The following SORL1 variants were observed in gnomAD, a reference collection of about 807,000 sequenced individuals.
SORL1 encodes sortilin-related receptor.
SORL1 carries 127 observed loss-of-function variants against 273.7 expected under a neutral mutation model. The observed-to-expected ratio is 0.46, with a 90% CI of 0.40 to 0.54. SORL1 has a LOEUF of 0.54. SORL1 is among the 20% of genes least tolerant of loss of function. The pLI, the probability that SORL1 is intolerant of heterozygous loss-of-function variation, is 0.00. For missense variants in SORL1, 2,494 were observed against 2,846.1 expected (o/e 0.88, Z 2.81); for synonymous variants, 1,031 against 1,067.4 (o/e 0.97, Z 0.66).
Position 121,589,385 on chromosome 11 carries a change from A to G in SORL1, c.4073A>G (p.Asn1358Ser), listed in dbSNP as rs747306346. Residue 1358 changes from asparagine (N) to serine (S), a missense_variant, in exon 29 of 48, where the codon AAC (asparagine) becomes AGC (serine). Physicochemically the swap from Asn to Ser is conservative, Grantham distance 46. Coordinates refer to ENST00000260197, the MANE Select transcript of SORL1 (RefSeq NM_003105.6). ...DDCGDYSDEA[N>S]CENPTEAPNC... Reference sequence around the variant, plus strand: ...TGCGGCGATTATTCTGATGAAGCCAACTGCGGTAAGATGTCCAGTCTGCCT... The same window carrying G: ...TGCGGCGATTATTCTGATGAAGCCAGCTGCGGTAAGATGTCCAGTCTGCCT... 2.7e-5 allele frequency: 44 copies of G among 1,613,068 alleles called. 1 individual carries two copies. In the Admixed American group the frequency reaches 2.8e-4, roughly 10 times the overall value.
intron 23 of SORL1, among the ~76,000 whole-genome samples, chr11:121,571,518 T>G (rs1862844037): frequency 6.6e-6 from 1 of 152,238 alleles, no homozygotes. Flanking sequence ...AGGAACCAAG[T>G]CAGAGGCTTC....
At chr11:121,613,957 G>GT (rs1361649649) in intron 40 of SORL1, among the ~76,000 whole-genome samples, 1 of 152,234 alleles carries the variant, frequency 6.6e-6, no homozygotes, top group Non-Finnish European at 1.5e-5. Flanking sequence ...AGCAGCTGCT[G>GT]TAAGTGCTGT....
rs146194553 is a variant in SORL1 at position 121,589,348 on chromosome 11, G to A, written c.4036G>A (p.Gly1346Arg). 38 of 1,613,714 alleles carry A rather than the reference G, an allele frequency of 2.4e-5. No individual in the cohort carries two copies. Among genetic ancestry groups the A allele is most frequent in the Non-Finnish European group, 5.9e-6 (7 of 1,179,724 alleles). The stretch of plus-strand genomic sequence containing the variant: ...CATCAGTTTGATTTGGAAGTGCGAC[G>A]GGATGGATGATTGCGGCGATTATTC... Reference protein sequence around the residue: ...VCISLIWKCDGMDDCGDYSDE... With the variant: ...VCISLIWKCDRMDDCGDYSDE... Residue 1346 changes from glycine (G) to arginine (R), a missense_variant, in exon 29 of 48, where the codon GGG becomes AGG. Coordinates refer to ENST00000260197, the MANE Select transcript of SORL1 (RefSeq NM_003105.6).
chr11:121,582,450 C>A (rs1157948285), intron 25 of SORL1, among the ~76,000 whole-genome samples: 1 of 152,232 alleles, frequency 6.6e-6, no homozygotes, highest in Admixed American at 6.5e-5. Context: ...CAAGGCCAGT[C>A]CTGGCTTGCA....
intron 21 of SORL1, among the ~76,000 whole-genome samples, chr11:121,561,214 A>G (rs1862667093): frequency 6.6e-6 from 1 of 152,218 alleles, no homozygotes; most frequent in Non-Finnish European, 1.5e-5. Context: ...AGCTTCTGAA[A>G]CACTGTGTGC....
intron 21 of SORL1, among the ~76,000 whole-genome samples, chr11:121,566,331 T>C (rs569424226): frequency 7.2e-5 from 11 of 152,264 alleles, no homozygotes; most frequent in Admixed American, 3.9e-4. Flanking sequence ...GTGTTGTAAT[T>C]GAGAAGTCCA....
intron 1 of SORL1, among the ~76,000 whole-genome samples, chr11:121,468,620 C>A (rs921624025): frequency 6.6e-6 from 1 of 152,098 alleles, no homozygotes; most frequent in Non-Finnish European, 1.5e-5. Flanking sequence ...GGGGTTTCAC[C>A]GTATTGGCCA....
At chr11:121,532,429 C>T (rs1862215123) in intron 11 of SORL1, 35 bp from the exon 12 acceptor site, 2 of 1,592,116 alleles carry the variant, frequency 1.3e-6, no homozygotes, top group African/African-American at 1.3e-5. Context: ...ATTACCTCCA[C>T]AGCAGTGGTG....
intron 6 of SORL1, among the ~76,000 whole-genome samples, chr11:121,510,050 C>T (rs1409675009): frequency 6.6e-6 from 1 of 152,006 alleles, no homozygotes; most frequent in Non-Finnish European, 1.5e-5. Flanking sequence ...TAAATACATG[C>T]TTATTTATAT....
intron 11 of SORL1, among the ~76,000 whole-genome samples, chr11:121,527,998 G>A (rs1157886624): frequency 6.6e-6 from 1 of 150,760 alleles, no homozygotes; most frequent in East Asian, 2.0e-4. Flanking sequence ...TTGTTTTGTT[G>A]TTCTTTTTGT....
intron 14 of SORL1, 21 bp downstream of exon 14, chr11:121,545,450 T>C (rs764726697): frequency 3.1e-6 from 5 of 1,611,714 alleles, no homozygotes; most frequent in Non-Finnish European, 4.2e-6. Context: ...CTTTGATGGC[T>C]GGGGACTGAG....
intron 23 of SORL1, 32 bp from the exon 24 acceptor site, chr11:121,574,209 A>G (rs1862890551): frequency 3.7e-6 from 6 of 1,609,894 alleles, no homozygotes; most frequent in African/African-American, 1.3e-5. Flanking sequence ...AATTGTACCT[A>G]AGGAATATGT....
intron 26 of SORL1, among the ~76,000 whole-genome samples, 170 bp from the exon 27 acceptor site, chr11:121,586,052 A>G (rs1017070938): frequency 1.3e-5 from 2 of 152,226 alleles, no homozygotes; most frequent in African/African-American, 4.8e-5. Context: ...ATACATTTCT[A>G]CAAAAGTAGA....
intron 5 of SORL1, among the ~76,000 whole-genome samples, chr11:121,494,503 T>C (rs1160627610): frequency 6.6e-6 from 1 of 152,136 alleles, no homozygotes; most frequent in East Asian, 1.9e-4. Flanking sequence ...TGGAGCATCA[T>C]TGAGGGATTT....
intron 25 of SORL1, among the ~76,000 whole-genome samples, chr11:121,579,177 G>A (rs1047016903): frequency 3.3e-5 from 5 of 152,028 alleles, no homozygotes; most frequent in African/African-American, 9.7e-5. Flanking sequence ...ATTTTCTTCC[G>A]GCAAGGCAAA....
chr11:121,624,132 C>T (rs185179886), intron 45 of SORL1, among the ~76,000 whole-genome samples: 74 of 152,278 alleles, frequency 4.9e-4, no homozygotes, highest in African/African-American at 1.5e-3. Flanking sequence ...GATCTCTCAC[C>T]GGGTCCCTCC....
intron 29 of SORL1, 90 bp downstream of exon 29, chr11:121,589,480 G>C: frequency 6.6e-7 from 1 of 1,506,974 alleles, no homozygotes; most frequent in Non-Finnish European, 9.2e-7. Context: ...CAACCCCACT[G>C]CAGACTTGGC....
chr11:121,570,322 T>G lies in SORL1; in HGVS notation c.3337+52T>G, dbSNP rs745816259. On this transcript the variant is annotated intron_variant, in intron 23 of 47. Coordinates refer to ENST00000260197, the MANE Select transcript of SORL1 (RefSeq NM_003105.6). The stretch of plus-strand genomic sequence containing the variant: ...CACTTACCATTACTCAGAAGCCTGG[T>G]TGGCTCTTCCCAGGCTGAGGGCCTA... 9 of 1,424,682 alleles carry G rather than the reference T, an allele frequency of 6.3e-6. 1 individual carries two copies. The South Asian group carries it at 6.9e-5, about 11-fold the overall frequency. 88.3% of individuals were successfully genotyped at this position (1,424,682 alleles called of 1,614,324 possible).
chr11:121,553,753 C>A (rs780223283), intron 16 of SORL1, among the ~76,000 whole-genome samples, 184 bp from the exon 17 acceptor site: 4 of 152,188 alleles, frequency 2.6e-5, no homozygotes, highest in Non-Finnish European at 4.4e-5. Flanking sequence ...AAGTAACTTG[C>A]CTGAGGCAGA....
Sources: gnomAD v4.1 joint callset for allele counts (sites outside exome capture counted in the v4.1 genomes callset) on GRCh38, gnomAD v4.1.1 for gene constraint, MANE v1.5 for transcripts, NCBI Gene and HGNC (gene_info 2026-07-23, HGNC 2026-07-21) for gene names.